TMEM143: variants seen among roughly 807,000 people sequenced by gnomAD.
TMEM143 encodes the protein transmembrane protein 143.
A neutral mutation model predicts 40.3 loss-of-function variants in TMEM143; 45 were observed. The observed-to-expected ratio is 1.12, with a 90% CI of 0.88 to 1.43. The LOEUF (loss-of-function observed/expected upper bound fraction) is 1.43, where lower values mean the gene tolerates loss of function less well. TMEM143 is among the 40% of genes most tolerant of loss of function. TMEM143 has a pLI of 0.00. For synonymous variants in TMEM143, 299 were observed against 282.7 expected (o/e 1.06, Z -0.58); for missense variants, 620 against 613.4 (o/e 1.01, Z -0.11).
chr19:48,353,183 C>CT (rs57661893), intron 3 of TMEM143, among the ~76,000 whole-genome samples: 106,746 of 145,174 alleles, frequency 0.74, 39,137 homozygotes, highest in East Asian at 0.83. Context: ...CAACGACAAA[C>CT]TTTTTTTTTT....
chr19:48,363,578 A>C (rs2147394634), intron 1 of TMEM143, 47 bp from the exon 2 acceptor site: 1 of 1,550,502 alleles, frequency 6.4e-7, no homozygotes, highest in East Asian at 2.3e-5. Flanking sequence ...CTAGAGGAAA[A>C]GCGCCCTCTC....
chr19:48,338,761 G>A (rs1204953718), intron 6 of TMEM143, among the ~76,000 whole-genome samples: 2 of 152,100 alleles, frequency 1.3e-5, no homozygotes, highest in Admixed American at 6.6e-5. Context: ...GCTGCCCCAT[G>A]GGCCTGCTTG....
At chr19:48,336,714 GGTCGGGCGCA>G (rs1456100296) in intron 6 of TMEM143, among the ~76,000 whole-genome samples, 1 of 150,962 alleles carries the variant, frequency 6.6e-6, no homozygotes, top group Non-Finnish European at 1.5e-5. Context: ...AAAAAAAAGC[GGTCGGGCGCA>G]GTAGCTCACG....
chr19:48,334,464 TTCTTTC>T (rs1398461239), intron 6 of TMEM143, among the ~76,000 whole-genome samples: 2 of 50,752 alleles, frequency 3.9e-5, no homozygotes, highest in East Asian at 5.1e-4. Context: ...CTTTCTTTCT[TTCTTTC>T]TTTCTTTCTT....
In TMEM143 at chr19:48,333,226, A is replaced by C. The variant is rs1262892265; in HGVS notation, c.1373T>G (p.Ile458Ser). 3 of 1,477,810 alleles carry C rather than the reference A, an allele frequency of 2.0e-6. No homozygotes were observed. The highest frequency in any genetic ancestry group is 1.9e-4 in the Middle Eastern group (1 of 5,394). 91.5% of individuals were successfully genotyped at this position (1,477,810 alleles called of 1,614,324 possible). Residue 458 changes from isoleucine to serine, a missense_variant, in exon 8 of 8, where the codon ATC (isoleucine) becomes AGC (serine). Coordinates refer to ENST00000293261, the MANE Select transcript of TMEM143 (RefSeq NM_018273.4). This position sits in a 1 kb window ranked among gnomAD's most constrained non-coding sequence, Gnocchi z 4.1. The stretch of plus-strand genomic sequence containing the variant: ...CAGGGAGGTAGGTTCTACTCAGGAG[A>C]TGTTACTGCTGGGCGTGGCTTGCGG... ...EPPQATPSSN[I>S]S is the part of the protein sequence containing the mutation.
At chr19:48,343,545 TCCC>T (rs1337788562) in intron 4 of TMEM143, 94 bp from the exon 5 acceptor site, 1 of 1,444,906 alleles carries the variant, frequency 6.9e-7, no homozygotes, top group African/African-American at 1.4e-5. Flanking sequence ...CCTAAATAAT[TCCC>T]CCGTTTCCCA....
chr19:48,334,424 T>C (rs1474253907), intron 6 of TMEM143, among the ~76,000 whole-genome samples: 1 of 30,942 alleles, frequency 3.2e-5, no homozygotes, highest in Admixed American at 2.7e-4. Context: ...CTCTCTTTCT[T>C]TCTTTCTTTC....
At chr19:48,361,120 A>G (rs1970031081) in intron 2 of TMEM143, among the ~76,000 whole-genome samples, 1 of 152,024 alleles carries the variant, frequency 6.6e-6, no homozygotes, top group Non-Finnish European at 1.5e-5. Flanking sequence ...CAGTGGGAGA[A>G]ACTGAGGCTC....
Position 48,345,143 on chromosome 19 carries a change from C to A in TMEM143, c.564+17G>T. Reference sequence around the variant, plus strand: ...AGAGGCCTCCTGGGAGTTTTGTTCTCCTAGGGAGCCAAGTACCTGGACCTC... The same window carrying A: ...AGAGGCCTCCTGGGAGTTTTGTTCTACTAGGGAGCCAAGTACCTGGACCTC... On this transcript the variant is annotated intron_variant, in intron 4 of 7. Coordinates refer to ENST00000293261, the MANE Select transcript of TMEM143 (RefSeq NM_018273.4). 1 of 1,611,288 alleles carries A rather than the reference C, an allele frequency of 6.2e-7. No homozygotes were observed. Among genetic ancestry groups the A allele is most frequent in the South Asian group, 1.1e-5 (1 of 90,994 alleles).
intron 3 of TMEM143, 71 bp downstream of exon 3, chr19:48,360,001 G>T: frequency 6.8e-7 from 1 of 1,473,116 alleles, no homozygotes; most frequent in Non-Finnish European, 9.4e-7. Flanking sequence ...CCAAGAAGGT[G>T]TCAGGGAATG....
At chr19:48,344,581 C>A (rs1969579875) in intron 4 of TMEM143, among the ~76,000 whole-genome samples, 1 of 152,104 alleles carries the variant, frequency 6.6e-6, no homozygotes, top group Admixed American at 6.6e-5. Flanking sequence ...AGCCACTGAA[C>A]CCGGCCTTGT....
At chr19:48,344,584 G>A (rs759768144) in intron 4 of TMEM143, among the ~76,000 whole-genome samples, 1 of 152,050 alleles carries the variant, frequency 6.6e-6, no homozygotes, top group Non-Finnish European at 1.5e-5. Context: ...CACTGAACCC[G>A]GCCTTGTATT....
At chr19:48,363,825 A>G (rs1970127833) in intron 1 of TMEM143, 73 bp downstream of exon 1, 2 of 1,604,980 alleles carry the variant, frequency 1.2e-6, no homozygotes, top group East Asian at 4.5e-5. Context: ...AGAGCAGGAA[A>G]TGCTCGTAAA....
intron 3 of TMEM143, among the ~76,000 whole-genome samples, chr19:48,352,578 C>A (rs180700175): frequency 3.3e-5 from 5 of 151,928 alleles, no homozygotes; most frequent in African/African-American, 1.2e-4. Flanking sequence ...AGTTCCAGAC[C>A]AGCCCGGCCA....
chr19:48,347,541 T>C (rs1283427077), intron 3 of TMEM143, among the ~76,000 whole-genome samples: 1 of 150,346 alleles, frequency 6.7e-6, no homozygotes, highest in Non-Finnish European at 1.5e-5. Flanking sequence ...GGTGAAATCC[T>C]GTCTCTACAA....
chr19:48,341,827 C>T (rs753731183), intron 6 of TMEM143, among the ~76,000 whole-genome samples: 14 of 152,004 alleles, frequency 9.2e-5, no homozygotes, highest in Non-Finnish European at 1.3e-4. Context: ...CCCCTAAAGC[C>T]GGCACTCAGT....
chr19:48,335,262 A>C (rs566090428), intron 6 of TMEM143, among the ~76,000 whole-genome samples: 15 of 152,264 alleles, frequency 9.9e-5, no homozygotes, highest in Admixed American at 7.8e-4. Context: ...CTTTTCTATA[A>C]TGAAGGAAAA....
At chr19:48,342,255 A>G (rs1969509517) in intron 6 of TMEM143, among the ~76,000 whole-genome samples, 1 of 129,306 alleles carries the variant, frequency 7.7e-6, no homozygotes, top group Non-Finnish European at 1.6e-5. Flanking sequence ...GGGAGGAGAG[A>G]GAGGGAGAAA....
At chr19:48,359,968 G>T in intron 3 of TMEM143, 104 bp downstream of exon 3, 1 of 1,121,216 alleles carries the variant, frequency 8.9e-7, no homozygotes, top group Non-Finnish European at 1.3e-6. Context: ...TGAATCCCCA[G>T]CACTTAAAAT....
Sources: allele counts gnomAD v4.1 joint callset (sites outside exome capture counted in the v4.1 genomes callset), GRCh38; gene constraint gnomAD v4.1.1; non-coding constraint Gnocchi (gnomAD v3.1); transcripts MANE v1.5; gene names NCBI Gene and HGNC (gene_info 2026-07-23, HGNC 2026-07-21).